The following C5orf46 variants were observed in gnomAD, a reference collection of about 807,000 sequenced individuals.
C5orf46 encodes the protein chromosome 5 open reading frame 46, also known as uncharacterized protein C5orf46.
In C5orf46, 9 loss-of-function variants were observed where a neutral mutation model predicts 8.9. The ratio of observed to expected loss-of-function variants is 1.01; its 90% CI spans 0.61 to 1.76. C5orf46 has a LOEUF of 1.76. Among genes scored for constraint, C5orf46 ranks in the 40% most tolerant of loss-of-function variants. C5orf46 has a pLI of 0.00. For synonymous variants in C5orf46, 47 were observed against 41.4 expected (o/e 1.14, Z -0.52); for missense variants, 98 against 107.8 (o/e 0.91, Z 0.40).
Position 147,901,622 on chromosome 5 carries a change from T to A in C5orf46, c.215+7A>T. 6.2e-7 allele frequency: 1 copy of A among 1,613,604 alleles called. No homozygotes were observed. The highest frequency in any genetic ancestry group is 1.1e-5 in the South Asian group (1 of 90,984). Reference sequence around the variant, plus strand: ...GGACAAAAAGCAACGTTTTTCTCAGTGCTTACGTGCTCCTGGACATGGAGC... The same window carrying A: ...GGACAAAAAGCAACGTTTTTCTCAGAGCTTACGTGCTCCTGGACATGGAGC... On this transcript the variant is annotated splice_region_variant and intron_variant, in intron 2 of 3. Transcript: ENST00000318315.
chr5:147,906,460 C>G lies in C5orf46; in HGVS notation c.42G>C (p.Leu14=). 1 of 1,611,364 alleles carries G rather than the reference C, an allele frequency of 6.2e-7. No individual in the cohort carries two copies. The stretch of plus-strand genomic sequence containing the variant: ...CATAGCAGGTCAGGAATAAGACAAG[C>G]AGTCCCAGGACAACTGTCAGGCGAA... ...SVLRLTVVLG[L]LVLFLTCYAD... Residue 14 remains leucine (L), a synonymous_variant, in exon 1 of 4, where the codon CTG becomes CTC. Transcript: ENST00000318315.
downstream of C5orf46, among the ~76,000 whole-genome samples, chr5:147,889,682 T>C (rs927901410): frequency 5.2e-4 from 79 of 152,234 alleles, no homozygotes; most frequent in African/African-American, 1.7e-3. Flanking sequence ...AAGTAATTCC[T>C]CTCACTCTCA....
At chr5:147,894,048 A>T (rs1224056498) in intron 3 of C5orf46, among the ~76,000 whole-genome samples, 4 of 152,096 alleles carry the variant, frequency 2.6e-5, no homozygotes, top group Admixed American at 1.3e-4. Context: ...TTATTCCTAG[A>T]TCCCTCCCTA....
chr5:147,897,936 T>G (rs1161855992), intron 2 of C5orf46, among the ~76,000 whole-genome samples: 2 of 152,158 alleles, frequency 1.3e-5, no homozygotes, highest in Non-Finnish European at 2.9e-5. Flanking sequence ...GGCTTCAGGT[T>G]GCAGAGGTGA....
At chr5:147,895,786 T>C (rs916546506) in intron 3 of C5orf46, among the ~76,000 whole-genome samples, 1 of 152,144 alleles carries the variant, frequency 6.6e-6, no homozygotes, top group Non-Finnish European at 1.5e-5. Context: ...CATAAGTGAC[T>C]GAGTTTAAAA....
intron 2 of C5orf46, chr5:147,886,872 G>A (rs1757428525): frequency 6.6e-6 from 1 of 152,068 alleles, no homozygotes; most frequent in Non-Finnish European, 1.5e-5. Context: ...GCAAGGTCCA[G>A]AATTACATGG....
At chr5:147,886,998 A>T (rs1479420348) in intron 2 of C5orf46, 1 of 152,118 alleles carries the variant, frequency 6.6e-6, no homozygotes, top group Non-Finnish European at 1.5e-5. Flanking sequence ...ACCCAAGACA[A>T]TGCCTAGGGT....
At chr5:147,904,731 A>G (rs1580989037) in intron 1 of C5orf46, among the ~76,000 whole-genome samples, 1 of 152,076 alleles carries the variant, frequency 6.6e-6, no homozygotes, top group East Asian at 1.9e-4. Flanking sequence ...CCTTTAACAA[A>G]AAATTAGCCA....
intron 3 of C5orf46, 67 bp from the exon 4 acceptor site, chr5:147,893,006 A>G (rs1277235518): frequency 1.3e-5 from 2 of 152,232 alleles, no homozygotes; most frequent in East Asian, 3.8e-4. Context: ...CGTTAAATAA[A>G]CCAAATAACT....
intron 3 of C5orf46, among the ~76,000 whole-genome samples, chr5:147,894,937 C>G (rs749023289): frequency 6.6e-6 from 1 of 151,762 alleles, no homozygotes; most frequent in Non-Finnish European, 1.5e-5. Context: ...GTGATGCACA[C>G]CTGTAGTCCC....
downstream of C5orf46, among the ~76,000 whole-genome samples, chr5:147,888,252 A>G (rs1757452120): frequency 1.3e-5 from 2 of 152,094 alleles, no homozygotes; most frequent in South Asian, 4.1e-4. Flanking sequence ...CTTGCTCAAG[A>G]GCTTTTGGCT....
chr5:147,889,709 A>C (rs1757474697), downstream of C5orf46, among the ~76,000 whole-genome samples: 1 of 152,302 alleles, frequency 6.6e-6, no homozygotes, highest in Non-Finnish European at 1.5e-5. Context: ...ATACAAAAGG[A>C]AATCAGTCAC....
At chr5:147,895,917 G>A (rs1374546309) in intron 3 of C5orf46, among the ~76,000 whole-genome samples, 1 of 152,138 alleles carries the variant, frequency 6.6e-6, no homozygotes, top group Non-Finnish European at 1.5e-5. Context: ...AGTTCCGGGG[G>A]AATATGATAG....
chr5:147,886,387 T>A lies in C5orf46; in HGVS notation n.205-5293A>T, dbSNP rs1757416518. ...ATGATTTCTTAAAACTTCATGTGAA[T>A]CTATAGTTATCTTAAAAAGTTTAAA... is the stretch of plus-strand genomic sequence containing the variant. On this transcript the variant is annotated intron_variant and non_coding_transcript_variant, in intron 2 of 2. Coordinates refer to the C5orf46 transcript ENST00000510432. 2.0e-5 allele frequency: 3 copies of A among 152,048 alleles called. No homozygotes were observed. The South Asian group carries it at 6.2e-4, about 31-fold the overall frequency. 9.4% of individuals were successfully genotyped at this position (152,048 alleles called of 1,614,324 possible).
intron 2 of C5orf46, among the ~76,000 whole-genome samples, chr5:147,897,646 A>C (rs1260770702): frequency 1.3e-5 from 2 of 152,226 alleles, no homozygotes; most frequent in African/African-American, 4.8e-5. Context: ...CAAGTAATTT[A>C]ATACAATGTG....
chr5:147,893,401 C>T (rs1166094170), intron 3 of C5orf46, among the ~76,000 whole-genome samples: 1 of 151,204 alleles, frequency 6.6e-6, no homozygotes, highest in African/African-American at 2.4e-5. Flanking sequence ...TCTTCTGCCT[C>T]AGCCTCCCGA....
rs185736970 is a variant in C5orf46 at position 147,901,676 on chromosome 5, G to T, written c.168C>A (p.Ile56=). ...PKFLSLLGTE[I]IENAVEFILR... ...GGATGAACTCGACTGCATTCTCAAT[G>T]ATCTCTGTGCCCAGGAGGCTTAGGA... Residue 56 remains isoleucine, a synonymous_variant, in exon 2 of 4, where the codon ATC becomes ATA. Coordinates refer to ENST00000318315, the MANE Select transcript of C5orf46 (RefSeq NM_206966.3). 1.9e-5 allele frequency: 31 copies of T among 1,614,020 alleles called. No individual in the cohort carries two copies. The African/African-American group carries it at 3.3e-4, about 17-fold the overall frequency.
intron 2 of C5orf46, among the ~76,000 whole-genome samples, chr5:147,899,284 C>T (rs751389949): frequency 2.0e-5 from 3 of 152,246 alleles, no homozygotes; most frequent in South Asian, 2.1e-4. Context: ...CTTCACAATC[C>T]GTGTCCCTGC....
rs190734102 is a variant in C5orf46, at chr5:147,899,687, G to T, written c.215+1942C>A. ...ACAAATATTATGACACTGTAACAAGGTAAAGTGATAGAGAATAACAGGCAG... is the reference window on the plus strand; with the variant it reads ...ACAAATATTATGACACTGTAACAAGTTAAAGTGATAGAGAATAACAGGCAG... On this transcript the variant is annotated intron_variant, in intron 2 of 3. Transcript: ENST00000318315. Among the ~76,000 whole-genome samples, 10 of 152,296 alleles carry T rather than the reference G, an allele frequency of 6.6e-5. No homozygotes were observed. The East Asian group carries it at 1.9e-3, about 29-fold the overall frequency.
Sources: gnomAD v4.1 joint callset for allele counts (sites outside exome capture counted in the v4.1 genomes callset) on GRCh38, gnomAD v4.1.1 for gene constraint, MANE v1.5 for transcripts, NCBI Gene and HGNC (gene_info 2026-07-23, HGNC 2026-07-21) for gene names.